USP25: variants seen among roughly 807,000 people sequenced by gnomAD.
USP25 encodes ubiquitin specific peptidase 25.
A neutral mutation model predicts 158.5 loss-of-function variants in USP25; 85 were observed. That is an observed-to-expected ratio of 0.54 (90% CI 0.45 to 0.64). USP25 has a LOEUF of 0.64. Among genes scored for constraint, USP25 ranks in the 30% least tolerant of loss-of-function variants. The probability of loss-of-function intolerance (pLI) is 0.00; values close to 1 mark genes in which losing one functional copy is unlikely to be tolerated. For synonymous variants in USP25, 464 were observed against 460.4 expected, an observed-to-expected ratio of 1.01 and a Z score of -0.10; for missense variants, 1,242 against 1,327.3, an observed-to-expected ratio of 0.94 and a Z score of 1.00.
Position 15,772,418 on chromosome 21 carries a change from G to C in USP25, c.269-5486G>C, listed in dbSNP as rs571219450. On this transcript the variant is annotated intron_variant, in intron 3 of 25. Coordinates refer to ENST00000400183, the MANE Select transcript of USP25 (RefSeq NM_001283041.3). ...TTTATACAGTGGCACCCAGCTAACT[G>C]TTCCCATGTGTGTGCTGTTGAATTG... Among the ~76,000 whole-genome samples, 4 of 152,298 alleles carry C rather than the reference G, an allele frequency of 2.6e-5. No individual in the cohort carries two copies. The East Asian group carries it at 7.7e-4, about 29-fold the overall frequency.
intron 6 of USP25, among the ~76,000 whole-genome samples, chr21:15,802,840 A>C (rs1052308077): frequency 3.3e-5 from 5 of 151,716 alleles, no homozygotes; most frequent in Admixed American, 6.6e-5. Context: ...TCAGAAAAAC[A>C]ATACAGAAAA....
intron 20 of USP25, among the ~76,000 whole-genome samples, chr21:15,859,745 A>G (rs1223160945): frequency 6.6e-6 from 1 of 151,976 alleles, no homozygotes; most frequent in African/African-American, 2.4e-5. Context: ...TAACAAAGTT[A>G]TATGTGTTAT....
Position 15,766,512 on chromosome 21 carries a change from TACTGATAGGTTTACCATTTAATA to T in USP25, c.268+373_268+395del, listed in dbSNP as rs772545960. Among the ~76,000 whole-genome samples the T allele has an allele frequency of 2.0e-3, 303 of 152,130 alleles. 1 individual carries two copies. The highest frequency in any genetic ancestry group is 3.7e-3 in the Admixed American group (56 of 15,258). On this transcript the variant is annotated intron_variant, in intron 3 of 25. Coordinates refer to ENST00000400183, the MANE Select transcript of USP25 (RefSeq NM_001283041.3). The surrounding 1 kb of genome is among the most constrained non-coding windows in gnomAD (Gnocchi z 4.0). Reference sequence around the variant, plus strand: ...TTGAGGTTAAAGTATTATTTCTAATTACTGATAGGTTTACCATTTAATAAAATTTCCCTTCCCTTTCCCCCTGC... The same window carrying T: ...TTGAGGTTAAAGTATTATTTCTAATTAAATTTCCCTTCCCTTTCCCCCTGC...
At chr21:15,739,874 A>T (rs530171521) in intron 1 of USP25, among the ~76,000 whole-genome samples, 3 of 152,318 alleles carry the variant, frequency 2.0e-5, no homozygotes, top group African/African-American at 7.2e-5. Context: ...ATTTTGGCAG[A>T]CTTTAATTAA....
At chr21:15,739,534 CT>C (rs111886063) in intron 1 of USP25, among the ~76,000 whole-genome samples, 1 of 151,286 alleles carries the variant, frequency 6.6e-6, no homozygotes, top group East Asian at 1.9e-4. Context: ...AGGCAGGGCA[CT>C]TTTTTTTTGT....
At chr21:15,746,127 T>G (rs1438581302) in intron 1 of USP25, among the ~76,000 whole-genome samples, 2 of 152,262 alleles carry the variant, frequency 1.3e-5, no homozygotes, top group East Asian at 3.9e-4. Flanking sequence ...ATGTAAATTC[T>G]TCAACTTTGT....
At chr21:15,861,733 G>C (rs2039435584) in intron 20 of USP25, among the ~76,000 whole-genome samples, 1 of 152,066 alleles carries the variant, frequency 6.6e-6, no homozygotes, top group African/African-American at 2.4e-5. Context: ...TTGAAAAACA[G>C]CTTCTAGAAA....
intron 3 of USP25, among the ~76,000 whole-genome samples, chr21:15,771,902 A>AT (rs369424344): frequency 1.3e-5 from 2 of 151,714 alleles, no homozygotes; most frequent in African/African-American, 2.4e-5. Context: ...AACTTGGCTT[A>AT]TTTTTTTTAA....
intron 23 of USP25, among the ~76,000 whole-genome samples, chr21:15,870,517 T>C (rs977068132): frequency 1.3e-5 from 2 of 152,166 alleles, no homozygotes; most frequent in African/African-American, 4.8e-5. Context: ...TTTTGTGTAC[T>C]GTGACTTTAA....
chr21:15,782,425 C>T (rs2035017539), intron 4 of USP25, among the ~76,000 whole-genome samples: 1 of 152,210 alleles, frequency 6.6e-6, no homozygotes, highest in Non-Finnish European at 1.5e-5. Context: ...TCATGCACAG[C>T]CTCCAGACCT....
At chr21:15,795,485 T>C (rs2035816609) in intron 5 of USP25, among the ~76,000 whole-genome samples, 1 of 151,634 alleles carries the variant, frequency 6.6e-6, no homozygotes, top group South Asian at 2.1e-4. Context: ...TTCTGTCCCA[T>C]AGACCATTTC....
intron 23 of USP25, among the ~76,000 whole-genome samples, chr21:15,873,582 C>T (rs775115113): frequency 2.6e-5 from 4 of 151,900 alleles, no homozygotes; most frequent in South Asian, 4.2e-4. Context: ...GCTCACCTCA[C>T]CCTCCACCTC....
At position 15,835,067 on chromosome 21, in the gene USP25, A is replaced by G. The variant is rs1336695799; in HGVS notation, c.2194+1519A>G. On this transcript the variant is annotated intron_variant, in intron 17 of 25. Transcript: ENST00000400183. ...ATCACTCCTCAGAACCTGCCCCAAG[A>G]TGGAGCTACTGTGTTATTGTTCCCT... Among the ~76,000 whole-genome samples, 4 of 152,200 alleles carry G rather than the reference A, an allele frequency of 2.6e-5. No individual in the cohort carries two copies. The East Asian group carries it at 5.8e-4, about 22-fold the overall frequency.
chr21:15,834,455 C>T (rs901112572), intron 17 of USP25, among the ~76,000 whole-genome samples: 1 of 150,836 alleles, frequency 6.6e-6, no homozygotes, highest in Admixed American at 6.6e-5. Flanking sequence ...TTTGCAAGAT[C>T]TGCATGTTTT....
chr21:15,794,884 CA>C (rs1330626743), intron 5 of USP25, among the ~76,000 whole-genome samples: 2 of 151,270 alleles, frequency 1.3e-5, no homozygotes, highest in African/African-American at 2.4e-5. Flanking sequence ...ATGAATGAAC[CA>C]AAAGGGAGCA....
intron 9 of USP25, among the ~76,000 whole-genome samples, chr21:15,813,804 C>T (rs2036795315): frequency 6.6e-6 from 1 of 152,052 alleles, no homozygotes; most frequent in Admixed American, 6.6e-5. Flanking sequence ...TAAACCTAGC[C>T]CCAGTTTAGT....
intron 4 of USP25, among the ~76,000 whole-genome samples, chr21:15,785,288 A>T (rs145177837): frequency 2.7e-3 from 407 of 152,364 alleles, no homozygotes; most frequent in African/African-American, 9.3e-3. Flanking sequence ...AATAGACTCC[A>T]GTACAACAAT....
chr21:15,797,841 G>A (rs968993043), intron 5 of USP25, among the ~76,000 whole-genome samples: 3 of 151,160 alleles, frequency 2.0e-5, no homozygotes, highest in Admixed American at 1.3e-4. Context: ...GAGAAGGAGA[G>A]GGAGAGAGGG....
In USP25 at chr21:15,799,790, G is replaced by A; in HGVS notation, c.589G>A (p.Val197Ile). 1.2e-6 allele frequency: 2 copies of A among 1,601,418 alleles called. No individual in the cohort carries two copies. Among genetic ancestry groups the A allele is most frequent in the Non-Finnish European group, 1.7e-6 (2 of 1,173,870 alleles). The change falls in exon 6 of 26, where the codon GTT becomes ATT. Residue 197 changes from valine (V) to isoleucine (I), a missense_variant. Val to Ile is a conservative substitution (Grantham distance 29). Transcript: ENST00000400183. ...LFNLLEFRRL[V>I]LNYKPPSNAQ... ...TAATCTTTTGGAATTTAGAAGATTA[G>A]TTCTGAATTACAAGCCTCCATCAAA...
Sources: gnomAD v4.1 joint callset for allele counts (sites outside exome capture counted in the v4.1 genomes callset) on GRCh38, gnomAD v4.1.1 for gene constraint, Gnocchi (gnomAD v3.1) non-coding constraint, MANE v1.5 for transcripts, NCBI Gene and HGNC (gene_info 2026-07-23, HGNC 2026-07-21) for gene names.